Variants in BRD10 observed in about 807,000 individuals in gnomAD.
BRD10 encodes the protein uncharacterized bromodomain-containing protein 10.
At chr9:5,897,700 C>T in the BRD10 span, 1 of 1,429,308 alleles carries the variant, frequency 7.0e-7, no homozygotes, top group South Asian at 1.1e-5. Context: ...CCAGGGCCCT[C>T]TTTCCAGTTC....
chr9:5,919,585 A>AC, the BRD10 span: 3 of 351,194 alleles, frequency 8.5e-6, no homozygotes, highest in Non-Finnish European at 1.4e-5. Context: ...CACACACACA[A>AC]TGTATAGTAT....
chr9:5,921,504 A>C, the BRD10 span: 1 of 1,613,836 alleles, frequency 6.2e-7, no homozygotes, highest in Non-Finnish European at 8.5e-7. Flanking sequence ...ACACCTGTAG[A>C]TGTCAGCGCA....
chr9:5,990,146 C>A, the BRD10 span, among the ~76,000 whole-genome samples: 1 of 152,132 alleles, frequency 6.6e-6, no homozygotes, highest in Non-Finnish European at 1.5e-5. Context: ...CTTCAGTATA[C>A]AATGGCATAC....
chr9:5,965,535 C>G, the BRD10 span, among the ~76,000 whole-genome samples: 1 of 152,110 alleles, frequency 6.6e-6, no homozygotes, highest in Non-Finnish European at 1.5e-5. Context: ...ATACATTTTT[C>G]AGTAGAGATT....
chr9:5,965,047 A>G, the BRD10 span, among the ~76,000 whole-genome samples: 13 of 107,124 alleles, frequency 1.2e-4, no homozygotes, highest in Non-Finnish European at 2.4e-4. Flanking sequence ...CCTAAAACTT[A>G]AAGTATAATA....
At chr9:5,922,837 G>A in the BRD10 span, 2 of 1,613,992 alleles carry the variant, frequency 1.2e-6, no homozygotes, top group Admixed American at 3.3e-5. Context: ...TGGTGTGGCA[G>A]GTCAATGCTG....
the BRD10 span, among the ~76,000 whole-genome samples, chr9:6,006,229 C>T: frequency 6.6e-6 from 1 of 152,184 alleles, no homozygotes; most frequent in Non-Finnish European, 1.5e-5. Flanking sequence ...CTCATTAAAT[C>T]CTCAAAGCAA....
At chr9:5,924,048 C>T in the BRD10 span, among the ~76,000 whole-genome samples, 1 of 152,154 alleles carries the variant, frequency 6.6e-6, no homozygotes, top group African/African-American at 2.4e-5. Context: ...GGCCATCAAC[C>T]ATGGTAATTC....
chr9:5,892,101 C>T, the BRD10 span, among the ~76,000 whole-genome samples: 27 of 152,316 alleles, frequency 1.8e-4, no homozygotes, highest in East Asian at 5.0e-3. Context: ...AGTGAAAATG[C>T]ATTTTGTTTG....
chr9:6,007,626 G>C, the BRD10 span: 2 of 1,602,712 alleles, frequency 1.2e-6, no homozygotes, highest in Non-Finnish European at 1.7e-6. Flanking sequence ...CCTCCTGATC[G>C]TCCGCGTCCT....
chr9:5,894,566 G>A, the BRD10 span, among the ~76,000 whole-genome samples: 2 of 152,196 alleles, frequency 1.3e-5, no homozygotes, highest in African/African-American at 4.8e-5. The surrounding 1 kb of genome is among the most constrained non-coding windows in gnomAD (Gnocchi z 4.0). Flanking sequence ...TTAGAAGTGA[G>A]GGGCATGAAT....
the BRD10 span, chr9:5,988,267 T>G: frequency 9.7e-7 from 1 of 1,031,036 alleles, no homozygotes; most frequent in South Asian, 1.3e-5. Context: ...AGAACACTAC[T>G]AAAATGGGCC....
At chr9:5,975,296 G>A in the BRD10 span, among the ~76,000 whole-genome samples, 2 of 151,844 alleles carry the variant, frequency 1.3e-5, no homozygotes, top group Non-Finnish European at 2.9e-5. Flanking sequence ...AAAATTAGCT[G>A]GGCGTGGTGG....
At chr9:5,880,301 G>A in the BRD10 span, among the ~76,000 whole-genome samples, 1 of 150,438 alleles carries the variant, frequency 6.6e-6, no homozygotes, top group Admixed American at 6.6e-5. Context: ...ATCACAAGGT[G>A]AAGAGTTAGA....
At chr9:5,940,266 T>C in the BRD10 span, among the ~76,000 whole-genome samples, 2 of 152,224 alleles carry the variant, frequency 1.3e-5, no homozygotes, top group Non-Finnish European at 2.9e-5. Context: ...CGATCTTGGC[T>C]CACTGCAGCC....
chr9:6,005,229 G>A, the BRD10 span, among the ~76,000 whole-genome samples: 2 of 152,100 alleles, frequency 1.3e-5, no homozygotes, highest in African/African-American at 2.4e-5. Context: ...GTTTATTATA[G>A]GCCGGGCGCG....
chr9:5,921,652 A>C, the BRD10 span: 22 of 1,613,822 alleles, frequency 1.4e-5, no homozygotes, highest in African/African-American at 2.8e-4. Flanking sequence ...TAACAGGGTA[A>C]CTTTTTGTGA....
the BRD10 span, chr9:5,988,674 G>GT: frequency 1.5e-6 from 1 of 661,310 alleles, no homozygotes; most frequent in Non-Finnish European, 2.6e-6. Flanking sequence ...ACTTAGCTTT[G>GT]TTCTAACTTT....
chr9:5,935,769 CT>C, the BRD10 span, among the ~76,000 whole-genome samples: 3 of 152,118 alleles, frequency 2.0e-5, no homozygotes, highest in Non-Finnish European at 2.9e-5. Flanking sequence ...ATCCTACTTA[CT>C]TTTATTTTTT....
Sources: allele counts gnomAD v4.1 joint callset (sites outside exome capture counted in the v4.1 genomes callset), GRCh38; gene constraint gnomAD v4.1.1; non-coding constraint Gnocchi (gnomAD v3.1); transcripts MANE v1.5; gene names NCBI Gene and HGNC (gene_info 2026-07-23, HGNC 2026-07-21).